NTN1: variants seen among roughly 807,000 people sequenced by gnomAD.
The protein encoded by NTN1 is netrin-1.
Under a neutral mutation model 54.2 loss-of-function variants are expected in NTN1, and 11 were observed. That is an observed-to-expected ratio of 0.20 (90% CI 0.13 to 0.34). The LOEUF is 0.34. NTN1 is among the 10% of genes least tolerant of loss of function. The pLI, the probability that NTN1 is intolerant of heterozygous loss-of-function variation, is 1.00. For synonymous variants in NTN1, 371 were observed against 382.0 expected, an observed-to-expected ratio of 0.97 and a Z score of 0.33; for missense variants, 740 against 893.1, an observed-to-expected ratio of 0.83 and a Z score of 2.18.
chr17:9,007,703 C>G, the NTN1 span, among the ~76,000 whole-genome samples: 2 of 148,096 alleles, frequency 1.4e-5, no homozygotes, highest in Non-Finnish European at 3.0e-5. Context: ...TTCCTTTCTT[C>G]CTTTCTTCCC....
chr17:9,229,074 TTG>T (rs1905709765), intron 6 of NTN1, among the ~76,000 whole-genome samples: 8 of 6,916 alleles, frequency 1.2e-3, no homozygotes. Flanking sequence ...GTGATTGTGT[TTG>T]TGACTGTGTG....
At chr17:9,031,916 G>A (rs1294286728) in intron 2 of NTN1, among the ~76,000 whole-genome samples, 2 of 151,996 alleles carry the variant, frequency 1.3e-5, no homozygotes, top group East Asian at 1.9e-4. Flanking sequence ...AGTCGAGATC[G>A]TGCCACTGCA....
chr17:9,243,017 T>C lies in NTN1; in HGVS notation c.*3049T>C, dbSNP rs1371326593. On this transcript the variant is annotated 3_prime_UTR_variant, in exon 7 of 7. Coordinates refer to ENST00000173229, the MANE Select transcript of NTN1 (RefSeq NM_004822.3). The stretch of plus-strand genomic sequence containing the variant: ...TGAAGAAAAACATACCAGATTAGTC[T>C]TTGTTTTTGAAACAGCTTCCCCAGT... The C allele has an allele frequency of 6.6e-6, 1 of 152,260 alleles. No individual in the cohort carries two copies. Among genetic ancestry groups the C allele is most frequent in the East Asian group, 1.9e-4 (1 of 5,202 alleles). The allele number at this position is 152,260 out of a possible 1,614,324, so 9.4% of individuals were successfully genotyped here.
At chr17:9,143,070 T>C (rs1467518145) in intron 2 of NTN1, among the ~76,000 whole-genome samples, 1 of 151,978 alleles carries the variant, frequency 6.6e-6, no homozygotes, top group Non-Finnish European at 1.5e-5. Flanking sequence ...CTGGAGGTGA[T>C]GAGGGATGAA....
At position 9,211,818 on chromosome 17, in the gene NTN1, A is replaced by G. The variant is rs1233207527; in HGVS notation, c.1412-9350A>G. On this transcript the variant is annotated intron_variant, in intron 5 of 6. Transcript: ENST00000173229. The surrounding 1 kb of genome is among the most constrained non-coding windows in gnomAD (Gnocchi z 4.4). Reference sequence around the variant, plus strand: ...GGGTGCATCTCTTTGTTCCCTTTTTATTTCCTCTTTTGTGAATGGCCTGTT... The same window carrying G: ...GGGTGCATCTCTTTGTTCCCTTTTTGTTTCCTCTTTTGTGAATGGCCTGTT... Among the ~76,000 whole-genome samples, 1 of 151,684 alleles carries G rather than the reference A, an allele frequency of 6.6e-6. No homozygotes were observed. The highest frequency in any genetic ancestry group is 1.5e-5 in the Non-Finnish European group (1 of 67,898).
chr17:9,128,684 G>T (rs918204185), intron 2 of NTN1, among the ~76,000 whole-genome samples: 1 of 152,166 alleles, frequency 6.6e-6, no homozygotes, highest in African/African-American at 2.4e-5. Flanking sequence ...GGTATACCGG[G>T]TCCCTGTGGT....
rs1432102127 is a variant in NTN1, at chr17:9,219,999, G to A, written c.1412-1169G>A. 3.3e-5 allele frequency among the ~76,000 whole-genome samples: 5 copies of A among 152,298 alleles called. No homozygotes were observed. The South Asian group carries it at 6.2e-4, about 19-fold the overall frequency. ...TCCCTGCAGCTCCCCGCTCCTCCCC[G>A]CTGGCCAGCCTGGCTGGTCTTCCCC... On this transcript the variant is annotated intron_variant, in intron 5 of 6. Coordinates refer to ENST00000173229, the MANE Select transcript of NTN1 (RefSeq NM_004822.3). This position sits in a 1 kb window ranked among gnomAD's most constrained non-coding sequence, Gnocchi z 4.5.
intron 2 of NTN1, among the ~76,000 whole-genome samples, chr17:9,140,348 C>T (rs1355101322): frequency 1.3e-5 from 2 of 152,188 alleles, no homozygotes; most frequent in Non-Finnish European, 2.9e-5. Context: ...TGTGGCAGAA[C>T]GGGTGCTTTG....
intron 2 of NTN1, among the ~76,000 whole-genome samples, chr17:9,110,068 C>T (rs575595818): frequency 6.6e-6 from 1 of 152,196 alleles, no homozygotes; most frequent in Non-Finnish European, 1.5e-5. Context: ...TGTCCTTTTC[C>T]CCTGCTGTCC....
intron 2 of NTN1, among the ~76,000 whole-genome samples, chr17:9,083,179 A>C (rs1490599143): frequency 6.6e-6 from 1 of 152,090 alleles, no homozygotes; most frequent in Non-Finnish European, 1.5e-5. Flanking sequence ...GCTCACTGCA[A>C]GCTCCGCCTC....
chr17:9,096,855 G>C (rs1027648862), intron 2 of NTN1, among the ~76,000 whole-genome samples: 8 of 152,264 alleles, frequency 5.3e-5, no homozygotes, highest in African/African-American at 1.9e-4. Context: ...ACATTTCTCT[G>C]CTTAAGGAGT....
intron 2 of NTN1, among the ~76,000 whole-genome samples, chr17:9,131,410 A>G (rs1376706610): frequency 6.6e-6 from 1 of 152,166 alleles, no homozygotes; most frequent in Non-Finnish European, 1.5e-5. Flanking sequence ...TGCCTGGCGC[A>G]TAGGCTTTTG....
chr17:9,078,600 G>A (rs571224793), intron 2 of NTN1, among the ~76,000 whole-genome samples: 1 of 152,342 alleles, frequency 6.6e-6, no homozygotes, highest in South Asian at 2.1e-4. Context: ...TTATGTTCCA[G>A]AACATGACTT....
chr17:9,003,284 C>A, the NTN1 span, among the ~76,000 whole-genome samples: 13 of 151,114 alleles, frequency 8.6e-5, no homozygotes, highest in Admixed American at 8.5e-4. This position sits in a 1 kb window ranked among gnomAD's most constrained non-coding sequence, Gnocchi z 7.4. Flanking sequence ...GCAGCTGGAG[C>A]GGCGTAGAGC....
intron 3 of NTN1, among the ~76,000 whole-genome samples, chr17:9,164,475 A>G (rs1597512772): frequency 6.6e-6 from 1 of 152,048 alleles, no homozygotes; most frequent in African/African-American, 2.4e-5. Context: ...AGAAAGTAAC[A>G]AAGTAGGGGG....
In NTN1 at chr17:9,227,391, TCA is replaced by T. The variant is rs1330399199; in HGVS notation, c.1486+6154_1486+6155del. ...ACACACCATCACACACCACACACTA[TCA>T]CACAGGCACACACACCACATGCACA... On this transcript the variant is annotated intron_variant, in intron 6 of 6. Coordinates refer to ENST00000173229, the MANE Select transcript of NTN1 (RefSeq NM_004822.3). 5.7e-5 allele frequency among the ~76,000 whole-genome samples: 8 copies of T among 139,952 alleles called. 1 individual carries two copies. Among genetic ancestry groups the T allele is most frequent in the East Asian group, 2.2e-4 (1 of 4,602 alleles). The allele number at this position is 139,952 out of a possible 152,430, so 91.8% of individuals were successfully genotyped here. A position where few individuals can be genotyped will look rare whatever the true frequency, so the allele number is the denominator to read the frequency against.
intron 3 of NTN1, among the ~76,000 whole-genome samples, chr17:9,167,847 T>C (rs751135185): frequency 1.3e-5 from 2 of 152,194 alleles, no homozygotes; most frequent in Non-Finnish European, 2.9e-5. Flanking sequence ...CCACCTTCAC[T>C]GTATGGCGTC....
At chr17:9,056,902 T>A (rs1435635089) in intron 2 of NTN1, among the ~76,000 whole-genome samples, 2 of 152,012 alleles carry the variant, frequency 1.3e-5, no homozygotes, top group Non-Finnish European at 2.9e-5. Context: ...GCTGGAGAGA[T>A]GAGATAGTAA....
intron 2 of NTN1, among the ~76,000 whole-genome samples, chr17:9,084,903 G>A (rs942628992): frequency 2.6e-5 from 4 of 151,810 alleles, no homozygotes; most frequent in Non-Finnish European, 4.4e-5. Context: ...TGCCTGCCTC[G>A]GCCTCCCAAA....
Sources: allele counts gnomAD v4.1 joint callset (sites outside exome capture counted in the v4.1 genomes callset), GRCh38; gene constraint gnomAD v4.1.1; non-coding constraint Gnocchi (gnomAD v3.1); transcripts MANE v1.5; gene names NCBI Gene and HGNC (gene_info 2026-07-23, HGNC 2026-07-21).